Variants in CPEB3 observed in about 807,000 individuals in gnomAD.
The protein encoded by CPEB3 is cytoplasmic polyadenylation element binding protein 3, also known as cytoplasmic polyadenylation element-binding protein 3.
Under a neutral mutation model 67.2 loss-of-function variants are expected in CPEB3, and 20 were observed. The observed-to-expected ratio is 0.30, with a 90% confidence interval of 0.21 to 0.43. CPEB3 has a LOEUF of 0.43. Among genes scored for constraint, CPEB3 ranks in the 20% least tolerant of loss-of-function variants. CPEB3 has a pLI of 1.00. For missense variants in CPEB3, 746 were observed against 968.6 expected (o/e 0.77, Z 3.05); for synonymous variants, 376 against 393.1 (o/e 0.96, Z 0.51).
Position 92,145,078 on chromosome 10 carries a change from G to C in CPEB3, c.1230C>G (p.Phe410Leu). 6.2e-7 allele frequency: 1 copy of C among 1,614,070 alleles called. No homozygotes were observed. Among genetic ancestry groups the C allele is most frequent in the African/African-American group, 1.3e-5 (1 of 75,022 alleles). ...TDNIMALNNA[F>L]LDDSHGDQAL... The stretch of plus-strand genomic sequence containing the variant: ...CTTGATCACCATGGCTATCATCCAG[G>C]AAGGCATCTTCAAAGGGAAAGAGAG... Residue 410 changes from phenylalanine to leucine, a missense_variant, in exon 5 of 10, where the codon TTC becomes TTG. Physicochemically the swap from Phe to Leu is conservative, Grantham distance 22. This residue lies in a region of CPEB3 where 643 missense variants were observed against 717.5 expected (regional missense o/e 0.90). Transcript: ENST00000265997.
intron 4 of CPEB3, among the ~76,000 whole-genome samples, chr10:92,161,110 G>A (rs1847452590): frequency 6.6e-6 from 1 of 152,118 alleles, no homozygotes; most frequent in Admixed American, 6.5e-5. Context: ...GACTTCAAGG[G>A]ATCTGCCCAC....
chr10:92,063,960 A>T (rs971135837), intron 9 of CPEB3, among the ~76,000 whole-genome samples: 4 of 152,182 alleles, frequency 2.6e-5, no homozygotes, highest in Non-Finnish European at 5.9e-5. Context: ...AATTGGCAGC[A>T]CACAGCCAAA....
chr10:92,204,489 C>G (rs956936121), intron 2 of CPEB3, among the ~76,000 whole-genome samples: 2 of 152,166 alleles, frequency 1.3e-5, no homozygotes, highest in East Asian at 3.8e-4. Context: ...CAGACTATAG[C>G]TCTTCATTGT....
At position 92,128,676 on chromosome 10, in the gene CPEB3, A is replaced by G. The variant is rs922232552; in HGVS notation, c.1453+14353T>C. 2.0e-5 allele frequency among the ~76,000 whole-genome samples: 3 copies of G among 152,232 alleles called. No individual in the cohort carries two copies. In the East Asian group the frequency reaches 5.8e-4, roughly 29 times the overall value. ...AGAAAAAAATAAATAGTTTCATTAA[A>G]AAGTGGGCAAAGGACATGAACAGAC... On this transcript the variant is annotated intron_variant, in intron 6 of 9. Transcript: ENST00000265997.
chr10:92,258,625 AATATATATATATATATATATATAT>A (rs56316802), intron 1 of CPEB3, among the ~76,000 whole-genome samples: 4,075 of 32,860 alleles, frequency 0.12, 208 homozygotes, highest in Middle Eastern at 0.18. Context: ...ATATTTTTTG[AATATATATATATATATATATATAT>A]ATATATATAT....
intron 9 of CPEB3, among the ~76,000 whole-genome samples, chr10:92,071,436 A>T (rs1420551029): frequency 6.6e-6 from 1 of 151,990 alleles, no homozygotes; most frequent in Non-Finnish European, 1.5e-5. Flanking sequence ...CACTTTAAAA[A>T]TTTTCTCATG....
At chr10:92,275,428 C>G (rs1841933644) in intron 1 of CPEB3, among the ~76,000 whole-genome samples, 1 of 152,090 alleles carries the variant, frequency 6.6e-6, no homozygotes, top group Admixed American at 6.6e-5. Flanking sequence ...ACAGAAATAT[C>G]TCATTTGTTT....
chr10:92,191,515 A>T (rs886801209), intron 3 of CPEB3, among the ~76,000 whole-genome samples: 5 of 152,222 alleles, frequency 3.3e-5, no homozygotes, highest in African/African-American at 1.2e-4. Context: ...GAAAATCATG[A>T]GTGTGACAAG....
At chr10:92,137,094 GA>G in intron 6 of CPEB3, 2 of 295,310 alleles carry the variant, frequency 6.8e-6, no homozygotes, top group Non-Finnish European at 1.4e-5. Flanking sequence ...CTGGGACTGG[GA>G]AAATGGCCAC....
In CPEB3 at chr10:92,134,744, T is replaced by C. The variant is rs377703179; in HGVS notation, c.1453+8285A>G. 4.6e-5 allele frequency among the ~76,000 whole-genome samples: 7 copies of C among 151,966 alleles called. 1 individual carries two copies. Among genetic ancestry groups the C allele is most frequent in the East Asian group, 1.9e-4 (1 of 5,182 alleles). On this transcript the variant is annotated intron_variant, in intron 6 of 9. Transcript: ENST00000265997. Reference sequence around the variant, plus strand: ...AACAAGAACAAAGCTGGAGGCATCATGCTACCTGACTTCAAACTATACTAC... The same window carrying C: ...AACAAGAACAAAGCTGGAGGCATCACGCTACCTGACTTCAAACTATACTAC...
At chr10:92,252,042 C>CTA (rs1009338841) in intron 1 of CPEB3, among the ~76,000 whole-genome samples, 6 of 151,198 alleles carry the variant, frequency 4.0e-5, no homozygotes, top group African/African-American at 1.5e-4. Flanking sequence ...CTCTCTCTCT[C>CTA]TATATATATT....
intron 4 of CPEB3, among the ~76,000 whole-genome samples, chr10:92,153,853 A>C (rs1487799605): frequency 6.6e-6 from 1 of 152,224 alleles, no homozygotes; most frequent in Non-Finnish European, 1.5e-5. Flanking sequence ...TTTCACAGAG[A>C]CCATAAAAAC....
chr10:92,137,317 G>A (rs547081967), intron 6 of CPEB3: 37 of 733,838 alleles, frequency 5.0e-5, no homozygotes, highest in South Asian at 1.2e-4. Context: ...CCATATCATC[G>A]TGGGTACCCC....
At position 92,152,205 on chromosome 10, in the gene CPEB3, C is replaced by G. The variant is rs547840030; in HGVS notation, c.1223-7120G>C. Among the ~76,000 whole-genome samples, 13 of 152,302 alleles carry G rather than the reference C, an allele frequency of 8.5e-5. No homozygotes were observed. In the East Asian group the frequency reaches 2.3e-3, roughly 27 times the overall value. On this transcript the variant is annotated intron_variant, in intron 4 of 9. Coordinates refer to ENST00000265997, the MANE Select transcript of CPEB3 (RefSeq NM_014912.5). ...AAAGTAAGCCTTTTCTTGCCTCAAG[C>G]CTTTTTTTAAAGAAACACGACTTTT...
At chr10:92,222,032 C>T (rs1042900187) in intron 2 of CPEB3, among the ~76,000 whole-genome samples, 3 of 152,098 alleles carry the variant, frequency 2.0e-5, no homozygotes, top group Non-Finnish European at 2.9e-5. Flanking sequence ...CCATCGAAGA[C>T]GTTCACTTAC....
intron 9 of CPEB3, among the ~76,000 whole-genome samples, chr10:92,060,491 A>G (rs1263680651): frequency 6.6e-6 from 1 of 152,184 alleles, no homozygotes; most frequent in African/African-American, 2.4e-5. Context: ...CCCAACAAAC[A>G]GACAACCAAA....
At chr10:92,210,969 T>TATA (rs1232049055) in intron 2 of CPEB3, among the ~76,000 whole-genome samples, 1 of 152,108 alleles carries the variant, frequency 6.6e-6, no homozygotes, top group African/African-American at 2.4e-5. Flanking sequence ...CTGGTACATA[T>TATA]ATAAATACAG....
intron 1 of CPEB3, among the ~76,000 whole-genome samples, chr10:92,282,060 A>G (rs1438094430): frequency 1.3e-5 from 2 of 152,204 alleles, no homozygotes; most frequent in Non-Finnish European, 2.9e-5. Flanking sequence ...AATTCTTTAC[A>G]TATACATTTT....
chr10:92,081,559 A>C, intron 8 of CPEB3, 58 bp from the exon 9 acceptor site: 1 of 1,419,258 alleles, frequency 7.0e-7, no homozygotes. Context: ...ACTCTTGCCC[A>C]GGAGAAGGAA....
Sources: allele counts gnomAD v4.1 joint callset (sites outside exome capture counted in the v4.1 genomes callset), GRCh38; gene constraint gnomAD v4.1.1; regional missense constraint gnomAD v4.1.1; transcripts MANE v1.5; gene names NCBI Gene and HGNC (gene_info 2026-07-23, HGNC 2026-07-21).